Variants in SEZ6 observed in about 807,000 individuals in gnomAD.
SEZ6 encodes the protein seizure related 6 homolog.
In SEZ6, 53 loss-of-function variants were observed where a neutral mutation model predicts 101.0. The observed-to-expected ratio is 0.52, with a 90% CI of 0.42 to 0.66. SEZ6 has a LOEUF of 0.66. Ranked by LOEUF, SEZ6 falls within the 30% of genes least tolerant of loss-of-function variation. SEZ6 has a pLI of 0.00. For synonymous variants in SEZ6, 488 were observed against 512.2 expected (o/e 0.95, Z 0.64); for missense variants, 1,102 against 1,289.4 (o/e 0.85, Z 2.23).
chr17:29,005,924 T>C lies in SEZ6; in HGVS notation c.-55A>G. ...GGACCGCGGCGGGAGGGCGGGGGGC[T>C]TGGTGGGGCTTGGGCGCGGGGGCAG... On this transcript the variant is annotated 5_prime_UTR_variant, in exon 1 of 17. Coordinates refer to ENST00000317338, the MANE Select transcript of SEZ6 (RefSeq NM_178860.5). The surrounding 1 kb of genome is among the most constrained non-coding windows in gnomAD (Gnocchi z 4.8). The C allele has an allele frequency of 3.6e-6, 5 of 1,371,126 alleles. No homozygotes were observed. Among genetic ancestry groups the C allele is most frequent in the Non-Finnish European group, 4.7e-6 (5 of 1,053,936 alleles). 84.9% of individuals were successfully genotyped at this position (1,371,126 alleles called of 1,614,324 possible).
intron 10 of SEZ6, among the ~76,000 whole-genome samples, chr17:28,958,801 AAAAG>A (rs2040925493): frequency 2.0e-5 from 3 of 151,862 alleles, no homozygotes; most frequent in Non-Finnish European, 4.4e-5. Context: ...AAAAGGAAGA[AAAAG>A]AAAGTTGTTC....
At chr17:28,956,534 C>G (rs982554576) in intron 14 of SEZ6, 67 bp from the exon 15 acceptor site, 1 of 1,512,886 alleles carries the variant, frequency 6.6e-7, no homozygotes, top group Middle Eastern at 2.0e-4. Context: ...TCTCTCACCT[C>G]TGCCCAAGGG....
intron 1 of SEZ6, among the ~76,000 whole-genome samples, chr17:29,001,685 T>C (rs1169658791): frequency 6.6e-6 from 1 of 152,210 alleles, no homozygotes; most frequent in Non-Finnish European, 1.5e-5. Flanking sequence ...TAAAACTCCT[T>C]TGGCCTGGCT....
At chr17:28,965,090 G>A (rs1258816859) in intron 4 of SEZ6, among the ~76,000 whole-genome samples, 1 of 151,586 alleles carries the variant, frequency 6.6e-6, no homozygotes, top group Non-Finnish European at 1.5e-5. Context: ...GGTGGCTCAT[G>A]CCTGTAATCC....
chr17:29,000,501 A>G (rs1335169390), intron 1 of SEZ6, among the ~76,000 whole-genome samples: 1 of 152,168 alleles, frequency 6.6e-6, no homozygotes, highest in African/African-American at 2.4e-5. Flanking sequence ...TATCTATGGA[A>G]TGAATGAATG....
chr17:29,001,578 G>A (rs558450490), intron 1 of SEZ6, among the ~76,000 whole-genome samples: 2 of 152,338 alleles, frequency 1.3e-5, no homozygotes, highest in East Asian at 1.9e-4. Context: ...AGATTGGTCC[G>A]GGAGGGGAAA....
At chr17:29,002,366 C>A (rs2041626461) in intron 1 of SEZ6, among the ~76,000 whole-genome samples, 1 of 152,300 alleles carries the variant, frequency 6.6e-6, no homozygotes, top group East Asian at 1.9e-4. Context: ...TCTAATTAAG[C>A]CCAGCCCTTG....
In SEZ6 at chr17:28,955,784, G is replaced by C; in HGVS notation, c.*178C>G. On this transcript the variant is annotated 3_prime_UTR_variant, in exon 17 of 17. Transcript: ENST00000317338. Reference sequence around the variant, plus strand: ...AGTGGGCAATGACACCAAGAAAATAGGCCATGGTGGGCATCGCAGGCGGGG... The same window carrying C: ...AGTGGGCAATGACACCAAGAAAATACGCCATGGTGGGCATCGCAGGCGGGG... The C allele has an allele frequency of 1.3e-6, 1 of 764,056 alleles. No homozygotes were observed. Among genetic ancestry groups the C allele is most frequent in the African/African-American group, 1.7e-5 (1 of 58,350 alleles). 47.3% of individuals were successfully genotyped at this position (764,056 alleles called of 1,614,324 possible). A position where few individuals can be genotyped will look rare whatever the true frequency, so the allele number is the denominator to read the frequency against.
chr17:28,963,346 C>T (rs940810109), intron 5 of SEZ6, among the ~76,000 whole-genome samples: 1 of 152,172 alleles, frequency 6.6e-6, no homozygotes, highest in African/African-American at 2.4e-5. Flanking sequence ...AACTGTCTTG[C>T]CTGGCTGGCC....
chr17:28,959,317 A>T lies in SEZ6; in HGVS notation c.1910+17T>A, dbSNP rs766028867. 1 of 1,613,870 alleles carries T rather than the reference A, an allele frequency of 6.2e-7. No individual in the cohort carries two copies. Among genetic ancestry groups the T allele is most frequent in the South Asian group, 1.1e-5 (1 of 91,078 alleles). The stretch of plus-strand genomic sequence containing the variant: ...AGACCTCAGGAGTTGGCTCGGCCTG[A>T]CCCGGTAGGCACTCACACTCGGATG... On this transcript the variant is annotated intron_variant, in intron 9 of 16. Coordinates refer to ENST00000317338, the MANE Select transcript of SEZ6 (RefSeq NM_178860.5). The surrounding 1 kb of genome is among the most constrained non-coding windows in gnomAD (Gnocchi z 4.4).
intron 1 of SEZ6, among the ~76,000 whole-genome samples, chr17:28,986,420 G>T (rs1393328088): frequency 6.6e-6 from 1 of 152,248 alleles, no homozygotes; most frequent in Non-Finnish European, 1.5e-5. Flanking sequence ...TCTGGATCGG[G>T]ATGGGGGGCG....
rs3052135 is a variant in SEZ6, at chr17:28,980,207, C to CT, written c.725-395dup. Among the ~76,000 whole-genome samples the CT allele has an allele frequency of 3.2e-3, 423 of 132,912 alleles. 6 individuals are homozygous for CT. The highest frequency in any genetic ancestry group is 6.4e-3 in the South Asian group (27 of 4,232). The allele number at this position is 132,912 out of a possible 152,430, so 87.2% of individuals were successfully genotyped here. ...TAGCTCAATGAGGTTTGTTTTCTTT[C>CT]TTTTTTTTTTTTTTTTTGAGACGGA... On this transcript the variant is annotated intron_variant, in intron 2 of 16. Transcript: ENST00000317338.
chr17:28,986,436 C>T (rs542790109), intron 1 of SEZ6, among the ~76,000 whole-genome samples: 1 of 152,356 alleles, frequency 6.6e-6, no homozygotes, highest in South Asian at 2.1e-4. Context: ...GGGCGGGGCC[C>T]AGCCTGTGTT....
At chr17:28,993,592 TGAAGTTGGGG>T (rs1376406107) in intron 1 of SEZ6, among the ~76,000 whole-genome samples, 1 of 152,136 alleles carries the variant, frequency 6.6e-6, no homozygotes, top group Non-Finnish European at 1.5e-5. Flanking sequence ...AGTGCAGTGG[TGAAGTTGGGG>T]GACAGGGGTT....
chr17:28,975,038 T>A, intron 3 of SEZ6, among the ~76,000 whole-genome samples: 1 of 152,332 alleles, frequency 6.6e-6, no homozygotes, highest in South Asian at 2.1e-4. Flanking sequence ...TTTGGTTAGA[T>A]CCTGCCAGTA....
intron 4 of SEZ6, 130 bp downstream of exon 4, chr17:28,969,627 C>T (rs2041121139): frequency 1.2e-6 from 1 of 845,326 alleles, no homozygotes; most frequent in African/African-American, 1.8e-5. Context: ...CTTCACTGGA[C>T]ATTTGTGCTA....
chr17:28,980,181 G>A (rs1383226576), intron 2 of SEZ6, among the ~76,000 whole-genome samples: 1 of 150,100 alleles, frequency 6.7e-6, no homozygotes, highest in Non-Finnish European at 1.5e-5. Flanking sequence ...AGTTTTCACA[G>A]TAGCTCAATG....
At chr17:28,961,465 A>G (rs1204516788) in intron 5 of SEZ6, among the ~76,000 whole-genome samples, 1 of 152,198 alleles carries the variant, frequency 6.6e-6, no homozygotes, top group Non-Finnish European at 1.5e-5. Context: ...TTTCCAGGCC[A>G]GGCACAGAGT....
chr17:29,006,030 C>G lies in SEZ6; in HGVS notation c.-161G>C. On this transcript the variant is annotated 5_prime_UTR_variant, in exon 1 of 17. Transcript: ENST00000317338. ...CCGCCAGCGCCTGACAGAATCAGCA[C>G]CACGGCCAGCGCCTGGCGACGGCGC... The G allele has an allele frequency of 2.0e-6, 1 of 508,600 alleles. No homozygotes were observed. The highest frequency in any genetic ancestry group is 4.3e-5 in the East Asian group (1 of 23,036). 31.5% of individuals were successfully genotyped at this position (508,600 alleles called of 1,614,324 possible). A position where few individuals can be genotyped will look rare whatever the true frequency, so the allele number is the denominator to read the frequency against.
Sources: gnomAD v4.1 joint callset for allele counts (sites outside exome capture counted in the v4.1 genomes callset) on GRCh38, gnomAD v4.1.1 for gene constraint, Gnocchi (gnomAD v3.1) non-coding constraint, MANE v1.5 for transcripts, NCBI Gene and HGNC (gene_info 2026-07-23, HGNC 2026-07-21) for gene names.